Variants in MYL7 observed in about 807,000 individuals in gnomAD.
MYL7 encodes the protein myosin light chain 7, also known as myosin regulatory light chain 2, atrial isoform.
Under a neutral mutation model 22.5 loss-of-function variants are expected in MYL7, and 27 were observed. That is an observed-to-expected ratio of 1.20 (90% CI 0.89 to 1.66). MYL7 has a LOEUF of 1.66. MYL7 is among the 40% of genes most tolerant of loss of function. The pLI is 0.00. For synonymous variants in MYL7, 81 were observed against 84.4 expected, an observed-to-expected ratio of 0.96 and a Z score of 0.22; for missense variants, 209 against 226.8, an observed-to-expected ratio of 0.92 and a Z score of 0.50.
Position 44,141,020 on chromosome 7 carries a change from G to T in MYL7, c.58C>A (p.Arg20Ser). 1 of 1,613,996 alleles carries T rather than the reference G, an allele frequency of 6.2e-7. No homozygotes were observed. Among genetic ancestry groups the T allele is most frequent in the Non-Finnish European group, 8.5e-7 (1 of 1,179,958 alleles). The change falls in exon 2 of 7, where the codon CGT becomes AGT. Residue 20 changes from arginine (R) to serine (S), a missense_variant. Transcript: ENST00000223364. Reference sequence around the variant, plus strand: ...ATGGAAAAGACGTTGGAAGAACCACGTTGGGCCTGCTTGGTGGCTGCCACC... The same window carrying T: ...ATGGAAAAGACGTTGGAAGAACCACTTTGGGCCTGCTTGGTGGCTGCCACC... ...GKVAATKQAQ[R>S]GSSNVFSMFE...
Position 44,141,019 on chromosome 7 carries a change from C to T in MYL7, c.59G>A (p.Arg20His), listed in dbSNP as rs760803234. Residue 20 changes from arginine to histidine, a missense_variant, in exon 2 of 7, where the codon CGT becomes CAT. Transcript: ENST00000223364. ...GKVAATKQAQ[R>H]GSSNVFSMFE... The stretch of plus-strand genomic sequence containing the variant: ...CATGGAAAAGACGTTGGAAGAACCA[C>T]GTTGGGCCTGCTTGGTGGCTGCCAC... 37 of 1,614,010 alleles carry T rather than the reference C, an allele frequency of 2.3e-5. No homozygotes were observed. Among genetic ancestry groups the T allele is most frequent in the Middle Eastern group, 3.3e-4 (2 of 6,058 alleles).
rs747445352 is a variant in MYL7, at chr7:44,139,835, C to T, written c.324G>A (p.Leu108=). ...TGGGGTCAAACATGCGGAAGGCACT[C>T]AGGATGGCTTCCTCGGGGTCTGTCC... The part of the protein sequence containing the change: ...LNGTDPEEAI[L]SAFRMFDPSG... The change falls in exon 5 of 7, where the codon CTG becomes CTA. Residue 108 remains leucine (L), a synonymous_variant. Transcript: ENST00000223364. 1.2e-6 allele frequency: 2 copies of T among 1,610,858 alleles called. No individual in the cohort carries two copies. Among genetic ancestry groups the T allele is most frequent in the Non-Finnish European group, 1.7e-6 (2 of 1,179,334 alleles).
chr7:44,140,483 C>G (rs1197045515), intron 3 of MYL7, 56 bp from the exon 4 acceptor site: 1 of 1,003,244 alleles, frequency 1.0e-6, no homozygotes, highest in Non-Finnish European at 1.5e-6. Context: ...CCCCAGAAGG[C>G]CCAGGCCGCC....
In MYL7 at chr7:44,140,355, A is replaced by G. The variant is rs1208988036; in HGVS notation, c.266T>C (p.Val89Ala). 1.9e-6 allele frequency: 3 copies of G among 1,613,860 alleles called. No individual in the cohort carries two copies. The highest frequency in any genetic ancestry group is 1.3e-5 in the African/African-American group (1 of 74,884). ...QEGKGPINFTVFLTLFGEKLN... is the reference protein window; with the variant it reads ...QEGKGPINFTAFLTLFGEKLN... ...CTTCTCCCCAAAGAGCGTGAGGAAG[A>G]CGGTGAAGTTGATGGGGCCCTTGCC... Residue 89 changes from valine (V) to alanine (A), a missense_variant, in exon 4 of 7, where the codon GTC becomes GCC. Val to Ala is a moderately conservative substitution (Grantham distance 64). Transcript: ENST00000223364.
Position 44,139,538 on chromosome 7 carries a change from T to C in MYL7, c.409A>G (p.Lys137Glu). 6 of 1,612,492 alleles carry C rather than the reference T, an allele frequency of 3.7e-6. No homozygotes were observed. The highest frequency in any genetic ancestry group is 5.1e-6 in the Non-Finnish European group (6 of 1,179,236). ...AGCCTCACCTCAGCTGGAGAGAACT[T>C]GTCTGCCTGGGTCAGGAGAAGCTGC... is the stretch of plus-strand genomic sequence containing the variant. ...FKQLLLTQADKFSPAEVEQMF... is the reference protein window; with the variant it reads ...FKQLLLTQADEFSPAEVEQMF... The change falls in exon 6 of 7, where the codon AAG becomes GAG. Residue 137 changes from lysine (K) to glutamate (E), a missense_variant. Lys to Glu is a moderately conservative substitution (Grantham distance 56, BLOSUM62 1). Coordinates refer to ENST00000223364, the MANE Select transcript of MYL7 (RefSeq NM_021223.3).
chr7:44,139,082 T>G, intron 6 of MYL7, 60 bp from the exon 7 acceptor site: 1 of 1,336,872 alleles, frequency 7.5e-7, no homozygotes, highest in East Asian at 2.3e-5. Context: ...GGCAGAGACC[T>G]CACCTGAGTC....
At chr7:44,140,575 A>AG in intron 3 of MYL7, 137 bp downstream of exon 3, 3 of 1,134,002 alleles carry the variant, frequency 2.6e-6, no homozygotes, top group Non-Finnish European at 3.8e-6. Context: ...AGGCGTGACA[A>AG]GGGGGGAAGG....
rs2096263075 is a variant in MYL7, at chr7:44,139,801, C to T, written c.358G>A (p.Gly120Arg). 2.5e-6 allele frequency: 4 copies of T among 1,612,820 alleles called. No homozygotes were observed. The East Asian group carries it at 8.9e-5, about 36-fold the overall frequency. Residue 120 changes from glycine to arginine, a missense_variant, in exon 5 of 7, where the codon GGG (glycine) becomes AGG (arginine). Transcript: ENST00000223364. ...ACTTACTCATCCTTGTTCACCACCCCTTTGCCGCTGGGGTCAAACATGCGG... is the reference window on the plus strand; with the variant it reads ...ACTTACTCATCCTTGTTCACCACCCTTTTGCCGCTGGGGTCAAACATGCGG... ...AFRMFDPSGKGVVNKDEFKQL... is the reference protein window; with the variant it reads ...AFRMFDPSGKRVVNKDEFKQL...
At chr7:44,139,458 G>A in intron 6 of MYL7, 63 bp downstream of exon 6, 1 of 1,576,148 alleles carries the variant, frequency 6.3e-7, no homozygotes, top group Non-Finnish European at 8.7e-7. Flanking sequence ...TGGGCTCTGG[G>A]TCATGGGTGA....
At chr7:44,139,898 C>T (rs1289200354) in intron 4 of MYL7, 38 bp from the exon 5 acceptor site, 1 of 1,564,414 alleles carries the variant, frequency 6.4e-7, no homozygotes, top group Middle Eastern at 2.3e-4. Context: ...ATCCATGTCT[C>T]CAGCATCCCA....
rs1299175089 is a variant in MYL7 at position 44,139,797 on chromosome 7, A to G, written c.362T>C (p.Val121Ala). 6.2e-7 allele frequency: 1 copy of G among 1,612,378 alleles called. No individual in the cohort carries two copies. The highest frequency in any genetic ancestry group is 1.7e-5 in the Admixed American group (1 of 59,650). The change falls in exon 5 of 7, where the codon GTG becomes GCG. Residue 121 changes from valine to alanine, a missense_variant. Transcript: ENST00000223364. ...CCATACTTACTCATCCTTGTTCACC[A>G]CCCCTTTGCCGCTGGGGTCAAACAT... ...FRMFDPSGKG[V>A]VNKDEFKQLL...
chr7:44,139,575 G>A lies in MYL7; in HGVS notation c.378-6C>T. On this transcript the variant is annotated splice_region_variant and splice_polypyrimidine_tract_variant and intron_variant, in intron 5 of 6. Coordinates refer to ENST00000223364, the MANE Select transcript of MYL7 (RefSeq NM_021223.3). ...TCAGGAGAAGCTGCTTGAACCTGGG[G>A]GGTGAGGAGGGTCTGAGCAGGAGAC... 6.2e-7 allele frequency: 1 copy of A among 1,604,130 alleles called. No homozygotes were observed. Among genetic ancestry groups the A allele is most frequent in the Non-Finnish European group, 8.5e-7 (1 of 1,174,972 alleles).
chr7:44,140,213 G>T (rs1448984498), intron 4 of MYL7, 110 bp downstream of exon 4: 5 of 885,990 alleles, frequency 5.6e-6, no homozygotes, highest in Non-Finnish European at 9.1e-6. Flanking sequence ...TAGGGTTCAG[G>T]TGGGGTTCAT....
chr7:44,139,919 A>G, intron 4 of MYL7, 59 bp from the exon 5 acceptor site: 1 of 1,480,542 alleles, frequency 6.8e-7, no homozygotes, highest in African/African-American at 1.4e-5. Context: ...GGTCCCCCGC[A>G]GGAGGAACTG....
intron 5 of MYL7, 24 bp from the exon 6 acceptor site, chr7:44,139,593 C>T (rs2096262758): frequency 6.3e-7 from 1 of 1,595,700 alleles, no homozygotes; most frequent in Admixed American, 1.7e-5. Flanking sequence ...AGGGTCTGAG[C>T]AGGAGACTGC....
At chr7:44,139,490 G>A in intron 6 of MYL7, 31 bp downstream of exon 6, 1 of 1,612,178 alleles carries the variant, frequency 6.2e-7, no homozygotes, top group Non-Finnish European at 8.5e-7. Flanking sequence ...AGGTGCTGGG[G>A]ATGAGTATTG....
At chr7:44,139,630 G>T in intron 5 of MYL7, 61 bp from the exon 6 acceptor site, 1 of 1,575,822 alleles carries the variant, frequency 6.3e-7, no homozygotes, top group South Asian at 1.2e-5. Flanking sequence ...AGGGAAGGTG[G>T]GTACGGAGGC....
chr7:44,141,170 G>A (rs762738340), intron 1 of MYL7, 96 bp from the exon 2 acceptor site: 1 of 1,565,156 alleles, frequency 6.4e-7, no homozygotes, highest in Non-Finnish European at 8.8e-7. Context: ...TCCCAGGAGA[G>A]CCAGGGCCAG....
intron 3 of MYL7, 140 bp from the exon 4 acceptor site, chr7:44,140,567 G>T: frequency 8.9e-7 from 1 of 1,129,622 alleles, no homozygotes; most frequent in Non-Finnish European, 1.3e-6. Context: ...TGGAAGCAAG[G>T]CGTGACAAGG....
Sources: allele counts gnomAD v4.1 joint callset, GRCh38; gene constraint gnomAD v4.1.1; transcripts MANE v1.5; gene names NCBI Gene and HGNC (gene_info 2026-07-23, HGNC 2026-07-21).